APBA1: variants seen among roughly 807,000 people sequenced by gnomAD.
APBA1 encodes the protein amyloid beta precursor protein binding family A member 1.
In APBA1, 55 loss-of-function variants were observed where a neutral mutation model predicts 86.6. The observed-to-expected ratio is 0.64, with a 90% CI of 0.51 to 0.80. The LOEUF (loss-of-function observed/expected upper bound fraction) is 0.80, where lower values mean the gene tolerates loss of function less well. Ranked by LOEUF, APBA1 falls within the 30% of genes least tolerant of loss-of-function variation. The pLI, the probability that APBA1 is intolerant of heterozygous loss-of-function variation, is 0.00. For missense variants in APBA1, 1,090 were observed against 1,183.0 expected (o/e 0.92, Z 1.15); for synonymous variants, 511 against 493.9 (o/e 1.03, Z -0.46).
intron 2 of APBA1, among the ~76,000 whole-genome samples, chr9:69,492,046 T>G (rs1419498433): frequency 6.6e-6 from 1 of 152,152 alleles, no homozygotes; most frequent in Non-Finnish European, 1.5e-5. Context: ...ATTACAGGCA[T>G]GAGCCACTGC....
chr9:69,583,656 C>T (rs1180387291), intron 1 of APBA1, among the ~76,000 whole-genome samples: 1 of 152,210 alleles, frequency 6.6e-6, no homozygotes, highest in Non-Finnish European at 1.5e-5. Flanking sequence ...TCTAATTATA[C>T]AATTTTAAAA....
At chr9:69,669,117 A>C (rs1190022771) in intron 1 of APBA1, among the ~76,000 whole-genome samples, 3 of 152,222 alleles carry the variant, frequency 2.0e-5, no homozygotes, top group Non-Finnish European at 4.4e-5. Flanking sequence ...ATCCAAAGGT[A>C]CAGTGGATCT....
At chr9:69,570,085 G>A (rs923507897) in intron 1 of APBA1, among the ~76,000 whole-genome samples, 10 of 152,174 alleles carry the variant, frequency 6.6e-5, no homozygotes, top group African/African-American at 2.4e-4. Flanking sequence ...AAAGAGAGGT[G>A]GTGCAGGAGT....
intron 2 of APBA1, among the ~76,000 whole-genome samples, chr9:69,510,225 T>G (rs1275683542): frequency 1.5e-4 from 22 of 151,530 alleles, no homozygotes; most frequent in African/African-American, 5.3e-4. Context: ...CAGCAAAGTC[T>G]CAGGATACAA....
intron 1 of APBA1, among the ~76,000 whole-genome samples, chr9:69,569,878 C>T (rs897617464): frequency 6.6e-6 from 1 of 152,126 alleles, no homozygotes. Flanking sequence ...TTAAGCTCCA[C>T]AAATAATTAA....
At chr9:69,589,603 T>G (rs774078810) in intron 1 of APBA1, among the ~76,000 whole-genome samples, 4 of 152,060 alleles carry the variant, frequency 2.6e-5, no homozygotes, top group Non-Finnish European at 5.9e-5. Flanking sequence ...TAGCCCATGG[T>G]TTTCTACTGG....
intron 1 of APBA1, among the ~76,000 whole-genome samples, chr9:69,561,886 C>T (rs2133939053): frequency 6.6e-6 from 1 of 152,220 alleles, no homozygotes; most frequent in East Asian, 1.9e-4. Flanking sequence ...CTCGGTTTCC[C>T]AAAGTACTGG....
chr9:69,596,614 C>T (rs532685306), intron 1 of APBA1, among the ~76,000 whole-genome samples: 2 of 152,186 alleles, frequency 1.3e-5, no homozygotes. Context: ...AAGAAGGGTG[C>T]ACATCATCCT....
intron 1 of APBA1, among the ~76,000 whole-genome samples, chr9:69,636,910 GGAAGGAAGGAAGGAAA>G (rs1242494893): frequency 3.2e-5 from 3 of 94,210 alleles, no homozygotes; most frequent in African/African-American, 1.2e-4. Flanking sequence ...AAGGAAGGAA[GGAAGGAAGGAAGGAAA>G]GAAAGAAAGA....
At position 69,516,428 on chromosome 9, in the gene APBA1, C is replaced by T. The variant is rs755495955; in HGVS notation, c.783G>A (p.Met261Ile). The T allele has an allele frequency of 6.2e-7, 1 of 1,605,018 alleles. No homozygotes were observed. The highest frequency in any genetic ancestry group is 8.5e-7 in the Non-Finnish European group (1 of 1,178,738). Residue 261 changes from methionine to isoleucine, a missense_variant, in exon 2 of 13, where the codon ATG becomes ATA. Met to Ile is a conservative substitution (Grantham distance 10, BLOSUM62 1). This residue lies in a region of APBA1 where 678 missense variants were observed against 647.1 expected (regional missense o/e 1.05). Coordinates refer to ENST00000265381, the MANE Select transcript of APBA1 (RefSeq NM_001163.4). The surrounding 1 kb of genome is among the most constrained non-coding windows in gnomAD (Gnocchi z 7.3). ...TGTCCTCCTCCTGCTCGTAGCTGTC[C>T]ATGCGCGGGTAGGGCGCGAACTCGG... ...KEAEFAPYPR[M>I]DSYEQEEDID...
intron 1 of APBA1, among the ~76,000 whole-genome samples, chr9:69,544,668 G>A (rs1221235844): frequency 6.6e-6 from 1 of 152,138 alleles, no homozygotes; most frequent in Non-Finnish European, 1.5e-5. Context: ...GAAGACATAT[G>A]ATGACTAAAA....
At position 69,441,077 on chromosome 9, in the gene APBA1, C is replaced by T; in HGVS notation, c.2220G>A (p.Val740=). The T allele has an allele frequency of 6.2e-7, 1 of 1,614,094 alleles. No individual in the cohort carries two copies. Among genetic ancestry groups the T allele is most frequent in the Non-Finnish European group, 8.5e-7 (1 of 1,180,034 alleles). The change falls in exon 11 of 13, where the codon GTG becomes GTA. Residue 740 remains valine (V), a synonymous_variant. Transcript: ENST00000265381. ...ACACGGTGGTCACCGGAGGACATCT[C>T]ACGATATTCAGCTTGACTCGGGACT... ...KNQSRVKLNI[V]RCPPVTTVLI... is the part of the protein sequence containing the mutation.
intron 5 of APBA1, among the ~76,000 whole-genome samples, chr9:69,467,024 T>C (rs1447354323): frequency 6.6e-6 from 1 of 152,180 alleles, no homozygotes; most frequent in East Asian, 1.9e-4. Context: ...TGGTTCCAGG[T>C]GCTGGTGGCA....
chr9:69,537,255 A>G (rs889992405), intron 1 of APBA1, among the ~76,000 whole-genome samples: 2 of 152,000 alleles, frequency 1.3e-5, no homozygotes, highest in Admixed American at 1.3e-4. Flanking sequence ...GGAGTCACAC[A>G]AATGTAGATT....
At chr9:69,432,736 C>T (rs747900913) in intron 11 of APBA1, 60 bp from the exon 12 acceptor site, 36 of 1,396,472 alleles carry the variant, frequency 2.6e-5, no homozygotes, top group African/African-American at 5.9e-5. Flanking sequence ...GCTGGAAGGC[C>T]GTCTTTCCTG....
intron 1 of APBA1, among the ~76,000 whole-genome samples, chr9:69,567,344 C>T (rs559839784): frequency 1.1e-4 from 17 of 152,260 alleles, no homozygotes; most frequent in African/African-American, 3.8e-4. Flanking sequence ...CTGCCGCCCC[C>T]ACCGCCATGC....
chr9:69,503,572 C>T (rs1033177131), intron 2 of APBA1, among the ~76,000 whole-genome samples: 12 of 152,066 alleles, frequency 7.9e-5, no homozygotes, highest in Non-Finnish European at 1.5e-4. Context: ...TGAGCTACAA[C>T]GCATATTATT....
chr9:69,452,755 A>G (rs1183837114), intron 8 of APBA1, among the ~76,000 whole-genome samples: 1 of 152,244 alleles, frequency 6.6e-6, no homozygotes, highest in Non-Finnish European at 1.5e-5. Context: ...CATTTCAAGA[A>G]TAATACCGTC....
intron 1 of APBA1, among the ~76,000 whole-genome samples, chr9:69,523,198 G>A (rs1022472458): frequency 6.6e-6 from 1 of 151,980 alleles, no homozygotes; most frequent in African/African-American, 2.4e-5. Context: ...TTGATAGAAG[G>A]GGAGGCTGTA....
Sources: gnomAD v4.1 joint callset for allele counts (sites outside exome capture counted in the v4.1 genomes callset) on GRCh38, gnomAD v4.1.1 for gene constraint, gnomAD v4.1.1 regional missense constraint, Gnocchi (gnomAD v3.1) non-coding constraint, MANE v1.5 for transcripts, NCBI Gene and HGNC (gene_info 2026-07-23, HGNC 2026-07-21) for gene names.